The following CALR variants were observed in gnomAD, a reference collection of about 807,000 sequenced individuals.
CALR encodes the protein calreticulin.
Under a neutral mutation model 51.1 loss-of-function variants are expected in CALR, and 15 were observed. That is an observed-to-expected ratio of 0.29 (90% confidence interval 0.20 to 0.45). The LOEUF is 0.45. Ranked by LOEUF, CALR falls within the 20% of genes least tolerant of loss-of-function variation. The pLI, the probability that CALR is intolerant of heterozygous loss-of-function variation, is 1.00. For missense variants in CALR, 477 were observed against 530.6 expected (o/e 0.90, Z 0.99); for synonymous variants, 239 against 205.9 (o/e 1.16, Z -1.38).
rs757441739 is a variant in CALR at position 12,939,115 on chromosome 19, C to T, written c.92-19C>T. Reference sequence around the variant, plus strand: ...ATTAGCACAGCCGCTCTGACCTACCCCTCTAATCCCCCACTTAGACGGGTG... The same window carrying T: ...ATTAGCACAGCCGCTCTGACCTACCTCTCTAATCCCCCACTTAGACGGGTG... On this transcript the variant is annotated intron_variant, in intron 1 of 8. Transcript: ENST00000316448. 1.4e-6 allele frequency: 2 copies of T among 1,480,356 alleles called. No homozygotes were observed. The highest frequency in any genetic ancestry group is 1.8e-5 in the Admixed American group (1 of 54,942). The allele number at this position is 1,480,356 out of a possible 1,614,324, so 91.7% of individuals were successfully genotyped here. A position where few individuals can be genotyped will look rare whatever the true frequency, so the allele number is the denominator to read the frequency against.
At chr19:12,940,915 C>T in intron 7 of CALR, 28 bp downstream of exon 7, 1 of 1,612,118 alleles carries the variant, frequency 6.2e-7, no homozygotes, top group Non-Finnish European at 8.5e-7. Flanking sequence ...AAGGAGGATC[C>T]CTGGGGTACC....
rs1491282901 is a variant in CALR at position 12,944,088 on chromosome 19, CCT to C, written c.*176_*177del. 2 of 949,386 alleles carry C rather than the reference CCT, an allele frequency of 2.1e-6. No homozygotes were observed. The highest frequency in any genetic ancestry group is 3.0e-6 in the Non-Finnish European group (2 of 670,600). 58.8% of individuals were successfully genotyped at this position (949,386 alleles called of 1,614,324 possible). On this transcript the variant is annotated 3_prime_UTR_variant, in exon 9 of 9. Transcript: ENST00000316448. Reference sequence around the variant, plus strand: ...CCACTCTCCCCCACCCCCTCCCCGCCCTTTTTTTTTTTTTTTTTTAAACTGGT... The same window carrying C: ...CCACTCTCCCCCACCCCCTCCCCGCCTTTTTTTTTTTTTTTTTAAACTGGT...
Position 12,940,363 on chromosome 19 carries a change from C to T in CALR, c.613C>T (p.Pro205Ser), listed in dbSNP as rs749888508. ...SLEDDWDFLP[P>S]KKIKDPDASK... ...GGAAGACGATTGGGACTTCCTGCCA[C>T]CCAAGAAGATAAAGGATCCTGATGC... Residue 205 changes from proline (P) to serine (S), a missense_variant, in exon 5 of 9, where the codon CCC becomes TCC. Transcript: ENST00000316448. 6.8e-6 allele frequency: 11 copies of T among 1,614,010 alleles called. No individual in the cohort carries two copies. In the East Asian group the frequency reaches 2.0e-4, roughly 29 times the overall value.
Position 12,939,416 on chromosome 19 carries a change from G to A in CALR, c.194-12G>A. ...AAGGCCCAACGGTGACCTCACTACC[G>A]TCCCGTCTCAGGTTTGCAGACAAGC... On this transcript the variant is annotated splice_polypyrimidine_tract_variant and intron_variant, in intron 2 of 8. Transcript: ENST00000316448. 1 of 1,612,108 alleles carries A rather than the reference G, an allele frequency of 6.2e-7. No individual in the cohort carries two copies. Among genetic ancestry groups the A allele is most frequent in the Non-Finnish European group, 8.5e-7 (1 of 1,179,862 alleles).
chr19:12,941,032 G>A, intron 7 of CALR, 145 bp downstream of exon 7: 4 of 789,964 alleles, frequency 5.1e-6, no homozygotes, highest in East Asian at 5.1e-5. Flanking sequence ...GTCTGTCCCT[G>A]TGAAGTCCTC....
At chr19:12,943,163 C>A (rs1321567449) in intron 7 of CALR, 2 of 272,034 alleles carry the variant, frequency 7.4e-6, no homozygotes, top group Non-Finnish European at 1.4e-5. Flanking sequence ...TGGCTCACTG[C>A]AAGCTCCGCC....
intron 3 of CALR, among the ~76,000 whole-genome samples, 153 bp from the exon 4 acceptor site, chr19:12,939,900 C>G (rs958866177): frequency 6.6e-6 from 1 of 151,836 alleles, no homozygotes; most frequent in Non-Finnish European, 1.5e-5. Flanking sequence ...GCTCCACCCA[C>G]AGCCCATTCA....
intron 7 of CALR, among the ~76,000 whole-genome samples, chr19:12,941,459 C>T (rs1971544979): frequency 7.1e-6 from 1 of 140,290 alleles, no homozygotes; most frequent in Admixed American, 8.0e-5. Flanking sequence ...CTATGGATGC[C>T]AGGCTAATTT....
chr19:12,943,835 TGAG>T lies in CALR; in HGVS notation c.1179_1181del (p.Glu393del), dbSNP rs779659003. 8 of 1,579,330 alleles carry T rather than the reference TGAG, an allele frequency of 5.1e-6. No homozygotes were observed. In the South Asian group the frequency reaches 8.0e-5, roughly 16 times the overall value. ...ACAAGGAGGATGATGAGGACAAAGA[TGAG>T]GATGAGGAGGATGAGGAGGACAAGG... On this transcript the variant is annotated inframe_deletion, in exon 9 of 9. Coordinates refer to ENST00000316448, the MANE Select transcript of CALR (RefSeq NM_004343.4).
In CALR at chr19:12,944,167, G is replaced by C; in HGVS notation, c.*254G>C. 1.8e-6 allele frequency: 1 copy of C among 569,970 alleles called. No homozygotes were observed. Among genetic ancestry groups the C allele is most frequent in the African/African-American group, 2.2e-5 (1 of 46,082 alleles). The allele number at this position is 569,970 out of a possible 1,614,324, so 35.3% of individuals were successfully genotyped here. On this transcript the variant is annotated 3_prime_UTR_variant, in exon 9 of 9. Transcript: ENST00000316448. The stretch of plus-strand genomic sequence containing the variant: ...CTCACCCCTGGTTCTCATCTTTCTT[G>C]ATCAACATCTTTTCTTGCCTCTGTC...
rs149736743 is a variant in CALR, at chr19:12,939,670, A to G, written c.397+39A>G. On this transcript the variant is annotated intron_variant, in intron 3 of 8. Coordinates refer to ENST00000316448, the MANE Select transcript of CALR (RefSeq NM_004343.4). ...TCCTGGTGCTGATCTCTGTCCCATT[A>G]GTTAGAGGGAGACCCAGACCCCATT... 2.3e-4 allele frequency: 348 copies of G among 1,533,778 alleles called. 3 individuals carry two copies. The African/African-American group carries it at 4.1e-3, about 18-fold the overall frequency.
At chr19:12,939,984 T>A in intron 3 of CALR, 69 bp from the exon 4 acceptor site, 1 of 1,114,840 alleles carries the variant, frequency 9.0e-7, no homozygotes, top group South Asian at 1.3e-5. Context: ...CTTCCTTTTA[T>A]AAAGAGGGGT....
chr19:12,939,801 G>A (rs111761176), intron 3 of CALR, among the ~76,000 whole-genome samples, 170 bp downstream of exon 3: 2 of 152,120 alleles, frequency 1.3e-5, no homozygotes, highest in African/African-American at 4.8e-5. Context: ...TTTAATTTGC[G>A]TGTTTGTATA....
chr19:12,938,935 C>A (rs1054223858), intron 1 of CALR, 165 bp downstream of exon 1: 7 of 747,886 alleles, frequency 9.4e-6, no homozygotes, highest in Non-Finnish European at 1.4e-5. Context: ...GCGCGGAGGG[C>A]GTAGCGGCCT....
chr19:12,938,879 C>A (rs1444627411), intron 1 of CALR, 109 bp downstream of exon 1: 2 of 914,372 alleles, frequency 2.2e-6, no homozygotes, highest in Non-Finnish European at 3.5e-6. Context: ...ACGGTGGCCT[C>A]CCGGGACTAG....
At chr19:12,939,077 G>A (rs1971507847) in intron 1 of CALR, 57 bp from the exon 2 acceptor site, 1 of 1,007,666 alleles carries the variant, frequency 9.9e-7, no homozygotes, top group South Asian at 1.4e-5. Flanking sequence ...GCAGATGTTT[G>A]GTGTGGGGGG....
chr19:12,940,442 C>G lies in CALR; in HGVS notation c.692C>G (p.Ser231Cys). Residue 231 changes from serine to cysteine, a missense_variant, in exon 5 of 9, where the codon TCC becomes TGC. Ser to Cys is a moderately radical substitution (Grantham distance 112). Coordinates refer to ENST00000316448, the MANE Select transcript of CALR (RefSeq NM_004343.4). ...GCCAAGATCGATGATCCCACAGACT[C>G]CAAGCCTGAGGTTGGTGTTTGGGCA... ...ERAKIDDPTD[S>C]KPEDWDKPEH... 6.2e-7 allele frequency: 1 copy of G among 1,614,150 alleles called. No homozygotes were observed.
rs776870722 is a variant in CALR at position 12,940,075 on chromosome 19, C to T, written c.420C>T (p.Gly140=). 2 of 1,613,946 alleles carry T rather than the reference C, an allele frequency of 1.2e-6. No individual in the cohort carries two copies. ...TAGGTCCCGACATCTGTGGCCCTGG[C>T]ACCAAGAAGGTTCATGTCATCTTCA... ...IMFGPDICGP[G]TKKVHVIFNY... The change falls in exon 4 of 9, where the codon GGC becomes GGT. Residue 140 remains glycine, a synonymous_variant. Coordinates refer to ENST00000316448, the MANE Select transcript of CALR (RefSeq NM_004343.4).
At chr19:12,939,309 C>A (rs1476946453) in intron 2 of CALR, 74 bp downstream of exon 2, 2 of 1,422,098 alleles carry the variant, frequency 1.4e-6, no homozygotes, top group African/African-American at 2.8e-5. Flanking sequence ...CACACACAGC[C>A]GGGACAGTCC....
Sources: allele counts gnomAD v4.1 joint callset (sites outside exome capture counted in the v4.1 genomes callset), GRCh38; gene constraint gnomAD v4.1.1; transcripts MANE v1.5; gene names NCBI Gene and HGNC (gene_info 2026-07-23, HGNC 2026-07-21).